The following NXPH1 variants were observed in gnomAD, a reference collection of about 807,000 sequenced individuals.
NXPH1 encodes neurexophilin-1.
NXPH1 carries 5 observed loss-of-function variants against 23.7 expected under a neutral mutation model. The observed-to-expected ratio is 0.21, with a 90% confidence interval of 0.11 to 0.44. The LOEUF (loss-of-function observed/expected upper bound fraction) is 0.44, where lower values mean the gene tolerates loss of function less well. Among genes scored for constraint, NXPH1 ranks in the 20% least tolerant of loss-of-function variants. The pLI, the probability that NXPH1 is intolerant of heterozygous loss-of-function variation, is 0.99. For missense variants in NXPH1, 324 were observed against 321.6 expected (o/e 1.01, Z -0.06); for synonymous variants, 144 against 122.2 (o/e 1.18, Z -1.18).
intron 2 of NXPH1, among the ~76,000 whole-genome samples, chr7:8,646,889 G>A (rs1434475439): frequency 6.6e-6 from 1 of 151,706 alleles, no homozygotes; most frequent in East Asian, 1.9e-4. Flanking sequence ...GCAATAAACT[G>A]GCAACTCGGG....
chr7:8,448,744 G>T (rs1374656810), intron 2 of NXPH1, among the ~76,000 whole-genome samples: 2 of 151,686 alleles, frequency 1.3e-5, no homozygotes, highest in Non-Finnish European at 2.9e-5. Context: ...GAACCTGGGA[G>T]GGGGAGGTTG....
intron 2 of NXPH1, among the ~76,000 whole-genome samples, chr7:8,734,628 A>C (rs1472147461): frequency 6.6e-6 from 1 of 152,100 alleles, no homozygotes; most frequent in Non-Finnish European, 1.5e-5. Context: ...GGTCAATTTT[A>C]GAATAAGTGT....
chr7:8,636,485 T>C (rs1820220491), intron 2 of NXPH1, among the ~76,000 whole-genome samples: 1 of 152,200 alleles, frequency 6.6e-6, no homozygotes, highest in African/African-American at 2.4e-5. Context: ...CCCATAATGA[T>C]GTGCCTTTAA....
chr7:8,581,046 G>A (rs925882940), intron 2 of NXPH1, among the ~76,000 whole-genome samples: 1 of 152,148 alleles, frequency 6.6e-6, no homozygotes, highest in African/African-American at 2.4e-5. Flanking sequence ...CCAAATGGGA[G>A]TACATTACAT....
intron 2 of NXPH1, among the ~76,000 whole-genome samples, chr7:8,529,215 A>G (rs1584214061): frequency 6.6e-6 from 1 of 152,224 alleles, no homozygotes; most frequent in East Asian, 1.9e-4. Flanking sequence ...CATTGGGTTC[A>G]CCCAAATAAT....
chr7:8,495,654 T>G (rs1489813314), intron 2 of NXPH1, among the ~76,000 whole-genome samples: 1 of 152,018 alleles, frequency 6.6e-6, no homozygotes, highest in Non-Finnish European at 1.5e-5. Flanking sequence ...GGCATATTAT[T>G]TTGTGGATAT....
At chr7:8,569,127 C>CA (rs770812306) in intron 2 of NXPH1, among the ~76,000 whole-genome samples, 2 of 151,852 alleles carry the variant, frequency 1.3e-5, no homozygotes, top group Non-Finnish European at 2.9e-5. Flanking sequence ...GATTACCAGA[C>CA]ATTATGTGCA....
At chr7:8,519,241 A>G (rs183041886) in intron 2 of NXPH1, among the ~76,000 whole-genome samples, 28 of 152,314 alleles carry the variant, frequency 1.8e-4, no homozygotes, top group African/African-American at 5.8e-4. Flanking sequence ...AAATTATAAA[A>G]AAGGTATTAC....
At chr7:8,455,510 T>C (rs902643526) in intron 2 of NXPH1, among the ~76,000 whole-genome samples, 2 of 152,240 alleles carry the variant, frequency 1.3e-5, no homozygotes, top group African/African-American at 4.8e-5. Context: ...CTTTATTTCC[T>C]AGCCAGGACA....
chr7:8,610,446 T>C (rs1213803719), intron 2 of NXPH1, among the ~76,000 whole-genome samples: 1 of 152,190 alleles, frequency 6.6e-6, no homozygotes, highest in African/African-American at 2.4e-5. Context: ...CACATCACTA[T>C]GGCTTATGAC....
intron 2 of NXPH1, among the ~76,000 whole-genome samples, chr7:8,544,115 G>C (rs1005497709): frequency 6.6e-6 from 1 of 151,638 alleles, no homozygotes; most frequent in Non-Finnish European, 1.5e-5. Flanking sequence ...TTGCCCGGTA[G>C]TTCTAGTTAG....
At chr7:8,560,212 CA>C (rs1818417428) in intron 2 of NXPH1, among the ~76,000 whole-genome samples, 1 of 151,616 alleles carries the variant, frequency 6.6e-6, no homozygotes, top group Non-Finnish European at 1.5e-5. Context: ...CTAGTATTAT[CA>C]AAAAATTATA....
At chr7:8,455,547 C>T (rs1458983367) in intron 2 of NXPH1, among the ~76,000 whole-genome samples, 7 of 152,200 alleles carry the variant, frequency 4.6e-5, no homozygotes, top group African/African-American at 1.7e-4. Flanking sequence ...GAACAGACTT[C>T]CCTCTTTCTG....
intron 2 of NXPH1, among the ~76,000 whole-genome samples, chr7:8,561,402 C>T (rs998491534): frequency 1.3e-5 from 2 of 150,884 alleles, no homozygotes; most frequent in Admixed American, 1.3e-4. Context: ...CTCTTTTTCT[C>T]TTTCTTTTTC....
At chr7:8,572,410 C>T (rs1003664447) in intron 2 of NXPH1, among the ~76,000 whole-genome samples, 3 of 151,852 alleles carry the variant, frequency 2.0e-5, no homozygotes, top group African/African-American at 7.3e-5. Flanking sequence ...AAAAATTATG[C>T]CATGATTTTT....
intron 2 of NXPH1, among the ~76,000 whole-genome samples, chr7:8,672,800 G>T (rs989100873): frequency 1.3e-5 from 2 of 152,106 alleles, no homozygotes; most frequent in African/African-American, 4.8e-5. Context: ...CCTTTCAAAC[G>T]GTTCTTTCTT....
chr7:8,728,526 T>A (rs1780095923), intron 2 of NXPH1, among the ~76,000 whole-genome samples: 1 of 152,194 alleles, frequency 6.6e-6, no homozygotes, highest in Non-Finnish European at 1.5e-5. Context: ...CATACTTAAT[T>A]TATTGAGAGT....
chr7:8,695,656 A>G (rs909264404), intron 2 of NXPH1, among the ~76,000 whole-genome samples: 43 of 152,200 alleles, frequency 2.8e-4, no homozygotes, highest in African/African-American at 9.6e-4. Flanking sequence ...TGGTCTTCCA[A>G]CTTAACTTCT....
intron 2 of NXPH1, among the ~76,000 whole-genome samples, chr7:8,455,064 C>T (rs1478129113): frequency 6.6e-6 from 1 of 151,880 alleles, no homozygotes; most frequent in East Asian, 1.9e-4. Context: ...AATTGTGGAC[C>T]AGAGGGCTAC....
Sources: gnomAD v4.1 joint callset for allele counts (sites outside exome capture counted in the v4.1 genomes callset) on GRCh38, gnomAD v4.1.1 for gene constraint, MANE v1.5 for transcripts, NCBI Gene and HGNC (gene_info 2026-07-23, HGNC 2026-07-21) for gene names.